NCOR1: variants seen among roughly 807,000 people sequenced by gnomAD.
NCOR1 encodes the protein protein phosphatase 1, regulatory subunit 109.
A neutral mutation model predicts 288.1 loss-of-function variants in NCOR1; 63 were observed. That is an observed-to-expected ratio of 0.22 (90% CI 0.18 to 0.27). The LOEUF is 0.27. Ranked by LOEUF, NCOR1 falls within the 10% of genes least tolerant of loss-of-function variation. The pLI is 1.00. For missense variants in NCOR1, 2,397 were observed against 3,019.2 expected (o/e 0.79, Z 4.83); for synonymous variants, 1,007 against 1,065.9 (o/e 0.94, Z 1.08).
At chr17:16,103,334 A>C (rs1222012156) in intron 19 of NCOR1, among the ~76,000 whole-genome samples, 2 of 152,160 alleles carry the variant, frequency 1.3e-5, no homozygotes, top group South Asian at 4.1e-4. Flanking sequence ...TCAACTTCAC[A>C]GCTAGCACTC....
intron 4 of NCOR1, among the ~76,000 whole-genome samples, chr17:16,170,782 AG>A (rs1198445773): frequency 6.6e-6 from 1 of 151,626 alleles, no homozygotes; most frequent in Non-Finnish European, 1.5e-5. Flanking sequence ...CGGAGATTGC[AG>A]TGAGCCAAGA....
In NCOR1 at chr17:16,108,922, GAA is replaced by G; in HGVS notation, c.2056-12_2056-11del. ...GAGGTTTTCGTGAAGTCTAAAGGAG[GAA>G]AGAGTATTATTTGATTTAAATAACT... On this transcript the variant is annotated splice_polypyrimidine_tract_variant and intron_variant, in intron 18 of 45. Transcript: ENST00000268712. 5.2e-6 allele frequency: 8 copies of G among 1,543,962 alleles called. No individual in the cohort carries two copies. The highest frequency in any genetic ancestry group is 7.0e-6 in the Non-Finnish European group (8 of 1,149,320).
intron 1 of NCOR1, among the ~76,000 whole-genome samples, chr17:16,208,634 T>C (rs1568698533): frequency 2.6e-5 from 4 of 151,980 alleles, no homozygotes; most frequent in Admixed American, 6.6e-5. Context: ...GAGGATCACT[T>C]GAGCCCAGCA....
chr17:16,125,452 C>G (rs542720165), intron 15 of NCOR1, among the ~76,000 whole-genome samples: 1 of 152,024 alleles, frequency 6.6e-6, no homozygotes, highest in Admixed American at 6.6e-5. Flanking sequence ...CGTCTATAAT[C>G]CCAGCACTTT....
In NCOR1 at chr17:16,143,588, T is replaced by C. The variant is rs1037941878; in HGVS notation, c.1173+18A>G. 2 of 1,588,564 alleles carry C rather than the reference T, an allele frequency of 1.3e-6. No homozygotes were observed. The highest frequency in any genetic ancestry group is 3.4e-5 in the Admixed American group (2 of 59,584). On this transcript the variant is annotated intron_variant, in intron 11 of 45. Coordinates refer to ENST00000268712, the MANE Select transcript of NCOR1 (RefSeq NM_006311.4). ...TTAATAATTAACGAATTAACTTGAATTAAATTTATTTTCTTACCTCCTGCT... is the reference window on the plus strand; with the variant it reads ...TTAATAATTAACGAATTAACTTGAACTAAATTTATTTTCTTACCTCCTGCT...
chr17:16,031,889 A>C lies in NCOR1; in HGVS notation c.*407T>G, dbSNP rs959172768. 8.5e-6 allele frequency: 2 copies of C among 236,280 alleles called. No homozygotes were observed. The highest frequency in any genetic ancestry group is 2.2e-5 in the African/African-American group (1 of 45,400). The allele number at this position is 236,280 out of a possible 1,614,324, so 14.6% of individuals were successfully genotyped here. ...AAAAAGATTTTTAAAAATCACCCCC[A>C]AAGTTGATGCGCTGATTTGAACATA... is the stretch of plus-strand genomic sequence containing the variant. On this transcript the variant is annotated 3_prime_UTR_variant, in exon 46 of 46. Coordinates refer to ENST00000268712, the MANE Select transcript of NCOR1 (RefSeq NM_006311.4).
chr17:16,092,690 T>TAC (rs1567960919), intron 21 of NCOR1, among the ~76,000 whole-genome samples: 4 of 10,694 alleles, frequency 3.7e-4, no homozygotes, highest in African/African-American at 1.6e-3. Flanking sequence ...TATATATATA[T>TAC]ATATATTTTT....
chr17:16,126,019 C>T, intron 15 of NCOR1, 63 bp downstream of exon 15: 2 of 900,296 alleles, frequency 2.2e-6, no homozygotes, highest in Non-Finnish European at 3.2e-6. Context: ...CCTATATCTA[C>T]AAAAATAAAA....
At chr17:16,131,632 C>T (rs548140491) in intron 14 of NCOR1, among the ~76,000 whole-genome samples, 1 of 152,256 alleles carries the variant, frequency 6.6e-6, no homozygotes. Context: ...CACTACTGGA[C>T]AATATTTTCT....
Position 16,075,520 on chromosome 17 carries a change from C to A in NCOR1, c.3670+14G>T. 6.2e-7 allele frequency: 1 copy of A among 1,612,520 alleles called. No individual in the cohort carries two copies. Among genetic ancestry groups the A allele is most frequent in the Non-Finnish European group, 8.5e-7 (1 of 1,178,962 alleles). On this transcript the variant is annotated intron_variant, in intron 27 of 45. Transcript: ENST00000268712. ...ATTGTAATACTGGCTTTGGTGCATA[C>A]ATACAATACTTACTATCATATGACA...
intron 1 of NCOR1, among the ~76,000 whole-genome samples, chr17:16,199,317 A>C (rs1228230709): frequency 6.6e-6 from 1 of 151,906 alleles, no homozygotes; most frequent in African/African-American, 2.4e-5. Flanking sequence ...CTGTCCTCGC[A>C]TGAACTGCAG....
Position 16,048,946 on chromosome 17 carries a change from C to T in NCOR1, c.6435G>A (p.Glu2145=). ...GGGGTGGGGAGATGGGCTCGTAGGG[C>T]TCCGAAGAGACGTGACTCCTCTCTG... ...KSPERSHVSS[E]PYEPISPPQV... The change falls in exon 41 of 46, where the codon GAG becomes GAA. Residue 2145 remains glutamate, a synonymous_variant. Coordinates refer to ENST00000268712, the MANE Select transcript of NCOR1 (RefSeq NM_006311.4). 6.2e-7 allele frequency: 1 copy of T among 1,613,308 alleles called. No homozygotes were observed. The highest frequency in any genetic ancestry group is 8.5e-7 in the Non-Finnish European group (1 of 1,179,506).
At position 16,158,781 on chromosome 17, in the gene NCOR1, T is replaced by C. The variant is rs759022224; in HGVS notation, c.711A>G (p.Gln237=). 8.1e-6 allele frequency: 13 copies of C among 1,613,536 alleles called. No homozygotes were observed. In the African/African-American group the frequency reaches 1.2e-4, roughly 15 times the overall value. The part of the protein sequence containing the change: ...PVEQKHRSIV[Q]IIYDENRKKA... ...TTACCCGATTCTCATCATAAATAATTTGGACAATACTGCGGTGTTTCTGCT... is the reference window on the plus strand; with the variant it reads ...TTACCCGATTCTCATCATAAATAATCTGGACAATACTGCGGTGTTTCTGCT... The change falls in exon 6 of 46, where the codon CAA becomes CAG. Residue 237 remains glutamine, a synonymous_variant. Coordinates refer to ENST00000268712, the MANE Select transcript of NCOR1 (RefSeq NM_006311.4).
chr17:16,186,136 G>A (rs2086634951), intron 3 of NCOR1, among the ~76,000 whole-genome samples: 1 of 152,168 alleles, frequency 6.6e-6, no homozygotes, highest in South Asian at 2.1e-4. Flanking sequence ...ACTAAAGCTT[G>A]AAGAGTTGAG....
intron 26 of NCOR1, among the ~76,000 whole-genome samples, chr17:16,078,722 C>T (rs1349068819): frequency 6.6e-6 from 1 of 152,084 alleles, no homozygotes; most frequent in East Asian, 1.9e-4. Context: ...ATTACAGGCG[C>T]ACACCACTAT....
intron 45 of NCOR1, among the ~76,000 whole-genome samples, chr17:16,033,040 A>C (rs1402572306): frequency 1.3e-5 from 2 of 152,194 alleles, no homozygotes; most frequent in Admixed American, 6.5e-5. Flanking sequence ...AAAGCCTCCT[A>C]CAGCTTAAGA....
At position 16,034,151 on chromosome 17, in the gene NCOR1, C is replaced by T. The variant is rs922803613; in HGVS notation, c.7135+614G>A. On this transcript the variant is annotated intron_variant, in intron 45 of 45. Transcript: ENST00000268712. ...ACAGTTCTCAAAAGAACTAAAACCA[C>T]CTTATTTGCTTTGCAAATAGTCAAT... Among the ~76,000 whole-genome samples the T allele has an allele frequency of 9.8e-5, 15 of 152,328 alleles. No individual in the cohort carries two copies. In the East Asian group the frequency reaches 2.9e-3, roughly 29 times the overall value.
chr17:16,074,872 T>C (rs886161319), intron 27 of NCOR1, among the ~76,000 whole-genome samples: 2 of 152,156 alleles, frequency 1.3e-5, no homozygotes, highest in Non-Finnish European at 2.9e-5. Context: ...CTAATTCTTT[T>C]TGTTTGTTTG....
intron 5 of NCOR1, 48 bp from the exon 6 acceptor site, chr17:16,158,921 C>A: frequency 7.5e-7 from 1 of 1,335,028 alleles, no homozygotes; most frequent in South Asian, 1.2e-5. Context: ...CACACCACAC[C>A]CAGCAGTGAT....
Sources: allele counts gnomAD v4.1 joint callset (sites outside exome capture counted in the v4.1 genomes callset), GRCh38; gene constraint gnomAD v4.1.1; transcripts MANE v1.5; gene names NCBI Gene and HGNC (gene_info 2026-07-23, HGNC 2026-07-21).